Variants in SANBR observed in about 807,000 individuals in gnomAD.
The protein encoded by SANBR is SANT and BTB domain regulator of class switch recombination.
A neutral mutation model predicts 101.8 loss-of-function variants in SANBR; 77 were observed. That is an observed-to-expected ratio of 0.76 (90% CI 0.63 to 0.91). The LOEUF (loss-of-function observed/expected upper bound fraction) is 0.91. SANBR is among the 40% of genes least tolerant of loss of function. The probability of loss-of-function intolerance (pLI) is 0.00; values close to 1 mark genes in which losing one functional copy is unlikely to be tolerated. For missense variants in SANBR, 875 were observed against 853.0 expected (o/e 1.03, Z -0.32); for synonymous variants, 279 against 274.7 (o/e 1.02, Z -0.15).
At chr2:61,074,199 A>T (rs1024248182) in intron 5 of SANBR, among the ~76,000 whole-genome samples, 1 of 152,232 alleles carries the variant, frequency 6.6e-6, no homozygotes, top group African/African-American at 2.4e-5. Flanking sequence ...CTTGCTTTAT[A>T]TATAATTCAT....
At chr2:61,073,850 A>G (rs1006934392) in intron 5 of SANBR, among the ~76,000 whole-genome samples, 53 of 152,268 alleles carry the variant, frequency 3.5e-4, no homozygotes, top group African/African-American at 1.1e-3. Context: ...AAAAAACTGT[A>G]TGCCATTAAT....
chr2:61,094,812 T>C (rs535688709), intron 11 of SANBR, among the ~76,000 whole-genome samples: 1 of 152,116 alleles, frequency 6.6e-6, no homozygotes, highest in African/African-American at 2.4e-5. Flanking sequence ...CCCGCCTAAT[T>C]TTTTGTATTT....
At chr2:61,114,752 C>T (rs1452633049) in intron 16 of SANBR, among the ~76,000 whole-genome samples, 2 of 152,146 alleles carry the variant, frequency 1.3e-5, no homozygotes, top group Non-Finnish European at 2.9e-5. Flanking sequence ...CCTCCCAAGG[C>T]TCAAGCAGTT....
Position 61,122,703 on chromosome 2 carries a change from GT to G in SANBR, c.*542del. On this transcript the variant is annotated 3_prime_UTR_variant, in exon 22 of 22. Coordinates refer to ENST00000402291, the MANE Select transcript of SANBR (RefSeq NM_001129993.3). ...GCATTAAATGAAGTTTCAGGGTAAG[GT>G]ATTTCAGTACTGTGTTGGGCAGAAG... 1 of 985,726 alleles carries G rather than the reference GT, an allele frequency of 1.0e-6. No individual in the cohort carries two copies. The highest frequency in any genetic ancestry group is 1.2e-6 in the Non-Finnish European group (1 of 830,088). The allele number at this position is 985,726 out of a possible 1,614,324, so 61.1% of individuals were successfully genotyped here. A position where few individuals can be genotyped will look rare whatever the true frequency, so the allele number is the denominator to read the frequency against.
At position 61,122,115 on chromosome 2, in the gene SANBR, A is replaced by G. The variant is rs1684354325; in HGVS notation, c.2121-11A>G. On this transcript the variant is annotated splice_polypyrimidine_tract_variant and intron_variant, in intron 21 of 21. Transcript: ENST00000402291. ...GCAATTCTGACCTCCTTTTCTGTTT[A>G]AAAAATCTAGGTCTAAAAGTCGTTT... 1.3e-6 allele frequency: 2 copies of G among 1,550,018 alleles called. No homozygotes were observed. Among genetic ancestry groups the G allele is most frequent in the South Asian group, 1.2e-5 (1 of 83,796 alleles).
At chr2:61,112,024 CTG>C (rs1683852572) in intron 16 of SANBR, among the ~76,000 whole-genome samples, 1 of 152,270 alleles carries the variant, frequency 6.6e-6, no homozygotes, top group African/African-American at 2.4e-5. Context: ...GCATACAAGT[CTG>C]TGTGGACATG....
intron 14 of SANBR, among the ~76,000 whole-genome samples, chr2:61,107,684 A>G (rs1448830746): frequency 1.3e-5 from 2 of 152,218 alleles, no homozygotes; most frequent in Non-Finnish European, 2.9e-5. Context: ...TCAGGAGTCC[A>G]AGACCAGTCT....
chr2:61,113,651 T>G (rs1295915705), intron 16 of SANBR, among the ~76,000 whole-genome samples: 1 of 152,238 alleles, frequency 6.6e-6, no homozygotes, highest in Admixed American at 6.5e-5. Context: ...AATTGATGTT[T>G]GTATATTGAC....
At chr2:61,137,172 G>A (rs1236207943) in intron 21 of SANBR, among the ~76,000 whole-genome samples, 2 of 151,986 alleles carry the variant, frequency 1.3e-5, no homozygotes. Flanking sequence ...CAGCTACTCA[G>A]GAGGCTGAGG....
intron 12 of SANBR, 108 bp from the exon 13 acceptor site, chr2:61,103,744 TA>T: frequency 1.0e-6 from 1 of 994,736 alleles, no homozygotes; most frequent in Non-Finnish European, 1.5e-6. Context: ...GAAAAAGTTA[TA>T]AAATATGTAT....
intron 4 of SANBR, 21 bp from the exon 5 acceptor site, chr2:61,073,434 TATG>T: frequency 1.7e-6 from 2 of 1,171,800 alleles, no homozygotes; most frequent in Admixed American, 2.3e-5. Context: ...TTTTTTTTTG[TATG>T]TGTTTGTTTC....
chr2:61,128,949 G>A (rs541043402), downstream of SANBR, among the ~76,000 whole-genome samples: 50 of 152,160 alleles, frequency 3.3e-4, no homozygotes, highest in African/African-American at 1.1e-3. Flanking sequence ...GAGACAGAGG[G>A]AGATCCTGTT....
rs186347234 is a variant in SANBR at position 61,122,679 on chromosome 2, C to G, written c.*517C>G. The G allele has an allele frequency of 1.0e-6, 1 of 985,816 alleles. No individual in the cohort carries two copies. Among genetic ancestry groups the G allele is most frequent in the African/African-American group, 1.7e-5 (1 of 57,336 alleles). The allele number at this position is 985,816 out of a possible 1,614,324, so 61.1% of individuals were successfully genotyped here. On this transcript the variant is annotated 3_prime_UTR_variant, in exon 22 of 22. Transcript: ENST00000402291. ...TAAGGAGTGACAGGTCTCAAGACTGCATTAAATGAAGTTTCAGGGTAAGGT... is the reference window on the plus strand; with the variant it reads ...TAAGGAGTGACAGGTCTCAAGACTGGATTAAATGAAGTTTCAGGGTAAGGT...
intron 20 of SANBR, among the ~76,000 whole-genome samples, chr2:61,118,431 G>A (rs1684181740): frequency 6.6e-6 from 1 of 151,720 alleles, no homozygotes; most frequent in Admixed American, 6.6e-5. Context: ...AGTAGAGATG[G>A]GGTTTCACCA....
chr2:61,081,193 A>G (rs915095903), intron 6 of SANBR, among the ~76,000 whole-genome samples: 1 of 152,134 alleles, frequency 6.6e-6, no homozygotes, highest in African/African-American at 2.4e-5. Flanking sequence ...GGAGAAGATT[A>G]CATATGTGAT....
At chr2:61,088,613 C>A in intron 10 of SANBR, 145 bp downstream of exon 10, 1 of 463,200 alleles carries the variant, frequency 2.2e-6, no homozygotes, top group Non-Finnish European at 3.6e-6. Flanking sequence ...TTCCGCCTCC[C>A]AGGTTCAAGC....
chr2:61,074,564 G>A (rs1020784337), intron 5 of SANBR, among the ~76,000 whole-genome samples: 5 of 152,036 alleles, frequency 3.3e-5, no homozygotes, highest in South Asian at 2.1e-4. Context: ...GTGTGCCACC[G>A]TGCCCATTTT....
chr2:61,126,826 C>T (rs900675255), downstream of SANBR, among the ~76,000 whole-genome samples: 10 of 151,948 alleles, frequency 6.6e-5, no homozygotes, highest in Admixed American at 5.3e-4. Context: ...TGGCCTACCC[C>T]CTGGCTGCCT....
At chr2:61,134,878 G>A (rs1684798779) in intron 21 of SANBR, among the ~76,000 whole-genome samples, 1 of 151,956 alleles carries the variant, frequency 6.6e-6, no homozygotes. Context: ...TTGCAACAGA[G>A]CGAGACTCAA....
Sources: gnomAD v4.1 joint callset for allele counts (sites outside exome capture counted in the v4.1 genomes callset) on GRCh38, gnomAD v4.1.1 for gene constraint, MANE v1.5 for transcripts, NCBI Gene and HGNC (gene_info 2026-07-23, HGNC 2026-07-21) for gene names.